FOCAD: variants seen among roughly 807,000 people sequenced by gnomAD.
The protein encoded by FOCAD is focadhesin.
In FOCAD, 198 loss-of-function variants were observed where a neutral mutation model predicts 225.6. That is an observed-to-expected ratio of 0.88 (90% CI 0.78 to 0.99). The LOEUF (loss-of-function observed/expected upper bound fraction) is 0.99. Among genes scored for constraint, FOCAD ranks in the 50% least tolerant of loss-of-function variants. The probability of loss-of-function intolerance (pLI) is 0.00; values close to 1 mark genes in which losing one functional copy is unlikely to be tolerated. For synonymous variants in FOCAD, 897 were observed against 755.0 expected, an observed-to-expected ratio of 1.19 and a Z score of -3.08; for missense variants, 2,713 against 2,123.6, an observed-to-expected ratio of 1.28 and a Z score of -5.46.
chr9:20,711,513 A>G (rs1824848697), intron 1 of FOCAD, among the ~76,000 whole-genome samples: 1 of 152,084 alleles, frequency 6.6e-6, no homozygotes, highest in African/African-American at 2.4e-5. Flanking sequence ...GAGCCCCAAG[A>G]CTAAGCAGTT....
intron 27 of FOCAD, among the ~76,000 whole-genome samples, chr9:20,932,684 A>G (rs892022730): frequency 7.2e-5 from 11 of 152,260 alleles, no homozygotes; most frequent in African/African-American, 2.7e-4. Flanking sequence ...AAGCATCCTT[A>G]GAAATATATA....
At chr9:20,783,026 T>C (rs1482981201) in intron 10 of FOCAD, among the ~76,000 whole-genome samples, 2 of 152,230 alleles carry the variant, frequency 1.3e-5, no homozygotes, top group Non-Finnish European at 2.9e-5. Flanking sequence ...GTAGCTTTTT[T>C]ACTTTACCTC....
chr9:20,815,123 G>GTTTTTTTTTTTTTTTTTTTTTT (rs71334554), intron 11 of FOCAD, among the ~76,000 whole-genome samples: 1 of 85,390 alleles, frequency 1.2e-5, no homozygotes, highest in African/African-American at 4.7e-5. Context: ...ACTTCTCTTT[G>GTTTTTTTTTTTTTTTTTTTTTT]TTTTTTTTTT....
Position 20,778,773 on chromosome 9 carries a change from A to G in FOCAD, c.994+5A>G. ...AGAAGCCAATCTTAAATCTAGGTAA[A>G]TAAAAATACAGTCACTAGAGTAAAA... On this transcript the variant is annotated splice_donor_5th_base_variant and intron_variant, in intron 9 of 43. Transcript: ENST00000338382. The G allele has an allele frequency of 1.3e-6, 2 of 1,545,092 alleles. No homozygotes were observed. The highest frequency in any genetic ancestry group is 1.4e-5 in the African/African-American group (1 of 73,694).
At chr9:20,946,868 T>A in intron 30 of FOCAD, 48 bp downstream of exon 30, 1 of 1,603,016 alleles carries the variant, frequency 6.2e-7, no homozygotes, top group South Asian at 1.1e-5. Context: ...CTCATGCTGC[T>A]GCTAAGTTTT....
At chr9:20,869,098 A>C (rs1829544520) in intron 18 of FOCAD, among the ~76,000 whole-genome samples, 1 of 152,126 alleles carries the variant, frequency 6.6e-6, no homozygotes, top group Admixed American at 6.6e-5. Context: ...ACTGCAGCTC[A>C]TTTTTCTATA....
intron 5 of FOCAD, among the ~76,000 whole-genome samples, chr9:20,748,767 G>C (rs776001466): frequency 1.3e-5 from 2 of 151,962 alleles, no homozygotes; most frequent in Non-Finnish European, 2.9e-5. Context: ...TTCCACTCAG[G>C]AAAGTCTTTA....
chr9:20,802,680 G>A (rs1821977381), intron 11 of FOCAD, among the ~76,000 whole-genome samples: 3 of 152,128 alleles, frequency 2.0e-5, no homozygotes, highest in African/African-American at 7.2e-5. Flanking sequence ...GTAGAGTCCA[G>A]GGACAGGGTT....
chr9:20,838,549 T>A (rs1411821782), intron 15 of FOCAD, among the ~76,000 whole-genome samples: 1 of 152,174 alleles, frequency 6.6e-6, no homozygotes, highest in Non-Finnish European at 1.5e-5. Context: ...GTCATTGACC[T>A]TATTTCATTT....
intron 27 of FOCAD, among the ~76,000 whole-genome samples, chr9:20,932,151 G>A (rs1045579945): frequency 2.0e-5 from 3 of 152,146 alleles, no homozygotes; most frequent in Non-Finnish European, 4.4e-5. Context: ...TTTAGTTAAA[G>A]CTATTAAGTC....
rs147806368 is a variant in FOCAD, at chr9:20,766,472, C to T, written c.699+1399C>T. Among the ~76,000 whole-genome samples the T allele has an allele frequency of 8.5e-5, 13 of 152,194 alleles. No homozygotes were observed. The East Asian group carries it at 1.7e-3, about 20-fold the overall frequency. On this transcript the variant is annotated intron_variant, in intron 7 of 43. Transcript: ENST00000338382. ...TTGAATATTTTAGTGATAGAGGAAGCGTACTATTTTGCAAGGCAACCATTT... is the reference window on the plus strand; with the variant it reads ...TTGAATATTTTAGTGATAGAGGAAGTGTACTATTTTGCAAGGCAACCATTT...
intron 15 of FOCAD, among the ~76,000 whole-genome samples, chr9:20,858,594 T>C (rs1747564225): frequency 6.6e-6 from 1 of 152,134 alleles, no homozygotes; most frequent in Non-Finnish European, 1.5e-5. Flanking sequence ...TCAGTGTTCG[T>C]TTATTTCTGC....
rs368497237 is a variant in FOCAD, at chr9:20,845,442, G to GAGAT, written c.1921-17135_1921-17134insGATA. 5.8e-5 allele frequency among the ~76,000 whole-genome samples: 7 copies of GAGAT among 121,234 alleles called. 1 individual carries two copies. Among genetic ancestry groups the GAGAT allele is most frequent in the African/African-American group, 1.3e-4 (4 of 31,526 alleles). The allele number at this position is 121,234 out of a possible 152,430, so 79.5% of individuals were successfully genotyped here. On this transcript the variant is annotated intron_variant, in intron 15 of 43. Transcript: ENST00000338382. ...GATATATTTTATGCATCTTTTCCTC[G>GAGAT]ATATATATATATATATATATATATG... is the stretch of plus-strand genomic sequence containing the variant.
chr9:20,702,632 C>T (rs1232338273), intron 1 of FOCAD, among the ~76,000 whole-genome samples: 10 of 152,044 alleles, frequency 6.6e-5, no homozygotes, highest in Admixed American at 3.3e-4. Context: ...TGAGAGAATA[C>T]GTATAAAAAG....
At chr9:20,831,360 C>A (rs1276182679) in intron 15 of FOCAD, among the ~76,000 whole-genome samples, 1 of 152,034 alleles carries the variant, frequency 6.6e-6, no homozygotes, top group African/African-American at 2.4e-5. Context: ...CAACAACAAA[C>A]ATGAGGTAGA....
rs527814957 is a variant in FOCAD at position 20,770,957 on chromosome 9, A to G, written c.906+719A>G. Reference sequence around the variant, plus strand: ...TGAAAAGGTAAATTCTATGACCTCAAGAGACTTACAGACATGCAAATAACT... The same window carrying G: ...TGAAAAGGTAAATTCTATGACCTCAGGAGACTTACAGACATGCAAATAACT... On this transcript the variant is annotated intron_variant, in intron 8 of 43. Coordinates refer to ENST00000338382, the MANE Select transcript of FOCAD (RefSeq NM_001375567.1). 1.6e-3 allele frequency among the ~76,000 whole-genome samples: 243 copies of G among 152,356 alleles called. 4 individuals are homozygous for G. Among genetic ancestry groups the G allele is most frequent in the African/African-American group, 5.5e-3 (227 of 41,582 alleles).
chr9:20,720,100 G>A (rs189959491), intron 3 of FOCAD, among the ~76,000 whole-genome samples: 2 of 152,144 alleles, frequency 1.3e-5, no homozygotes, highest in Admixed American at 1.3e-4. Flanking sequence ...TTTTAGCTTT[G>A]TTGTGTTGCT....
chr9:20,795,903 T>C (rs1231700406), intron 11 of FOCAD, among the ~76,000 whole-genome samples: 7 of 151,868 alleles, frequency 4.6e-5, no homozygotes, highest in African/African-American at 1.7e-4. Context: ...CATATTGGTG[T>C]GCTGTCCCCA....
chr9:20,674,332 C>T (rs1050946645), intron 2 of FOCAD, among the ~76,000 whole-genome samples: 2 of 152,090 alleles, frequency 1.3e-5, no homozygotes, highest in Non-Finnish European at 2.9e-5. Flanking sequence ...TACACCTCTT[C>T]CCAACTCCAT....
Sources: gnomAD v4.1 joint callset for allele counts (sites outside exome capture counted in the v4.1 genomes callset) on GRCh38, gnomAD v4.1.1 for gene constraint, MANE v1.5 for transcripts, NCBI Gene and HGNC (gene_info 2026-07-23, HGNC 2026-07-21) for gene names.